Variants in RASGEF1A observed in about 807,000 individuals in gnomAD.
RASGEF1A encodes the protein RasGEF domain family member 1A, also known as ras-GEF domain-containing family member 1A.
Under a neutral mutation model 56.4 loss-of-function variants are expected in RASGEF1A, and 18 were observed. That is an observed-to-expected ratio of 0.32 (90% CI 0.22 to 0.47). The LOEUF (loss-of-function observed/expected upper bound fraction) is 0.47, where lower values mean the gene tolerates loss of function less well. Among genes scored for constraint, RASGEF1A ranks in the 20% least tolerant of loss-of-function variants. The probability of loss-of-function intolerance (pLI) is 1.00; values close to 1 mark genes in which losing one functional copy is unlikely to be tolerated. For synonymous variants in RASGEF1A, 245 were observed against 242.6 expected, an observed-to-expected ratio of 1.01 and a Z score of -0.09; for missense variants, 422 against 627.1, an observed-to-expected ratio of 0.67 and a Z score of 3.49.
chr10:43,198,966 G>A lies in RASGEF1A; in HGVS notation c.999C>T (p.Ser333=). 6.2e-7 allele frequency: 1 copy of A among 1,613,688 alleles called. No individual in the cohort carries two copies. Among genetic ancestry groups the A allele is most frequent in the Non-Finnish European group, 8.5e-7 (1 of 1,180,006 alleles). Reference sequence around the variant, plus strand: ...CATCAAACTTGGCTGTCTTGACCTTGGACCAAGTTTTCTTCAGCCTTGCCA... The same window carrying A: ...CATCAAACTTGGCTGTCTTGACCTTAGACCAAGTTTTCTTCAGCCTTGCCA... ...SPVARLKKTW[S]KVKTAKFDVL... Residue 333 remains serine, a synonymous_variant, in exon 9 of 13, where the codon TCC becomes TCT. Transcript: ENST00000395810.
At position 43,229,544 on chromosome 10, in the gene RASGEF1A, G is replaced by C. The variant is rs1840332228; in HGVS notation, c.-6-23422C>G. The C allele has an allele frequency of 2.7e-6, 3 of 1,131,196 alleles. No individual in the cohort carries two copies. The South Asian group carries it at 4.3e-5, about 16-fold the overall frequency. 70.1% of individuals were successfully genotyped at this position (1,131,196 alleles called of 1,614,324 possible). ...TCAGGGCGGGCACCCTCCCGCACGG[G>C]TCGGGATGCAGGGGACCGTCGCACC... On this transcript the variant is annotated intron_variant, in intron 1 of 12. Coordinates refer to ENST00000395810, the MANE Select transcript of RASGEF1A (RefSeq NM_145313.4).
At position 43,196,694 on chromosome 10, in the gene RASGEF1A, AG is replaced by A. The variant is rs1438930003; in HGVS notation, c.1349-147del. 4 of 821,954 alleles carry A rather than the reference AG, an allele frequency of 4.9e-6. No individual in the cohort carries two copies. Among genetic ancestry groups the A allele is most frequent in the Non-Finnish European group, 7.8e-6 (4 of 510,710 alleles). The allele number at this position is 821,954 out of a possible 1,614,324, so 50.9% of individuals were successfully genotyped here. A position where few individuals can be genotyped will look rare whatever the true frequency, so the allele number is the denominator to read the frequency against. On this transcript the variant is annotated intron_variant, in intron 11 of 12. Coordinates refer to ENST00000395810, the MANE Select transcript of RASGEF1A (RefSeq NM_145313.4). This position sits in a 1 kb window ranked among gnomAD's most constrained non-coding sequence, Gnocchi z 4.6. ...CAGTTCTCTGCTGTGCGGGGCTCTC[AG>A]GCTGCCTGTTGGGGACTCTAGGAAG...
chr10:43,263,685 C>G (rs1372229920), intron 1 of RASGEF1A, among the ~76,000 whole-genome samples: 4 of 152,294 alleles, frequency 2.6e-5, no homozygotes, highest in Non-Finnish European at 5.9e-5. Flanking sequence ...AGCCCCTACC[C>G]CAGCCCGGGC....
chr10:43,208,057 C>A (rs1466127854), intron 1 of RASGEF1A: 1 of 985,336 alleles, frequency 1.0e-6, no homozygotes, highest in East Asian at 1.1e-4. Context: ...AATGAAGTCA[C>A]GAAGGCGGGC....
intron 1 of RASGEF1A, among the ~76,000 whole-genome samples, chr10:43,213,428 T>C (rs1176556864): frequency 6.6e-6 from 1 of 152,100 alleles, no homozygotes; most frequent in African/African-American, 2.4e-5. Context: ...GTGGCTAGAC[T>C]GAGGGTCCAG....
chr10:43,236,593 C>T (rs1472151088), intron 1 of RASGEF1A, among the ~76,000 whole-genome samples: 2 of 152,280 alleles, frequency 1.3e-5, no homozygotes, highest in African/African-American at 2.4e-5. Context: ...CGCCCTCCCT[C>T]CTCCTCTTCT....
intron 1 of RASGEF1A, among the ~76,000 whole-genome samples, chr10:43,238,809 C>A (rs1337858245): frequency 6.6e-6 from 1 of 152,180 alleles, no homozygotes; most frequent in African/African-American, 2.4e-5. Context: ...AGCTGCCATC[C>A]CCATGAGCCA....
chr10:43,200,737 G>A lies in RASGEF1A; in HGVS notation c.611C>T (p.Ala204Val). 1.2e-6 allele frequency: 2 copies of A among 1,613,860 alleles called. No individual in the cohort carries two copies. The highest frequency in any genetic ancestry group is 8.5e-7 in the Non-Finnish European group (1 of 1,180,034). The change falls in exon 5 of 13, where the codon GCC becomes GTC. Residue 204 changes from alanine to valine, a missense_variant. Coordinates refer to ENST00000395810, the MANE Select transcript of RASGEF1A (RefSeq NM_145313.4). ...GPILKTKPPAAQKDILGVCCD... is the reference protein window; with the variant it reads ...GPILKTKPPAVQKDILGVCCD... Reference sequence around the variant, plus strand: ...GCACACGCCCAGGATGTCCTTCTGGGCGGCTGGTGGCTTGGTCTTGAGGAT... The same window carrying A: ...GCACACGCCCAGGATGTCCTTCTGGACGGCTGGTGGCTTGGTCTTGAGGAT...
intron 1 of RASGEF1A, chr10:43,206,777 A>G (rs1840002347): frequency 2.1e-5 from 21 of 986,202 alleles, no homozygotes; most frequent in Non-Finnish European, 2.3e-5. Context: ...GCCACTCCAC[A>G]TGGTGAAGGT....
At chr10:43,217,442 C>A (rs1840152039) in intron 1 of RASGEF1A, among the ~76,000 whole-genome samples, 1 of 152,234 alleles carries the variant, frequency 6.6e-6, no homozygotes, top group Non-Finnish European at 1.5e-5. Context: ...GCGCCTCCAT[C>A]CCCACTGCAC....
intron 1 of RASGEF1A, chr10:43,209,326 G>T: frequency 1.7e-6 from 1 of 585,680 alleles, no homozygotes; most frequent in Non-Finnish European, 2.1e-6. Context: ...CCTGCCCCAG[G>T]TCACAGCCAG....
chr10:43,214,659 A>AAG (rs1840110516), intron 1 of RASGEF1A, among the ~76,000 whole-genome samples: 1 of 152,182 alleles, frequency 6.6e-6, no homozygotes, highest in African/African-American at 2.4e-5. Context: ...TTCAACTCCA[A>AAG]AGGGAAGAGC....
intron 1 of RASGEF1A, among the ~76,000 whole-genome samples, chr10:43,234,589 T>C (rs1775172512): frequency 6.6e-6 from 1 of 152,096 alleles, no homozygotes; most frequent in African/African-American, 2.4e-5. Flanking sequence ...CACAAGGCCT[T>C]GGGTTCCAGG....
At chr10:43,261,096 G>T (rs774976855) in intron 1 of RASGEF1A, among the ~76,000 whole-genome samples, 3 of 151,052 alleles carry the variant, frequency 2.0e-5, no homozygotes, top group Non-Finnish European at 1.5e-5. Flanking sequence ...ATGTGGGAGC[G>T]CCCTCCCCCT....
At position 43,261,244 on chromosome 10, in the gene RASGEF1A, T is replaced by A. The variant is rs535997997; in HGVS notation, c.-7+5601A>T. 6.6e-5 allele frequency among the ~76,000 whole-genome samples: 10 copies of A among 152,378 alleles called. No individual in the cohort carries two copies. The East Asian group carries it at 1.9e-3, about 29-fold the overall frequency. ...CCACCACTCCCCGCAGGGCAGTTGA[T>A]CTGGCCCAGGTACCTGCAGGTCACC... is the stretch of plus-strand genomic sequence containing the variant. On this transcript the variant is annotated intron_variant, in intron 1 of 12. Transcript: ENST00000395810.
intron 1 of RASGEF1A, among the ~76,000 whole-genome samples, chr10:43,253,457 A>C (rs558102982): frequency 6.6e-6 from 1 of 152,364 alleles, no homozygotes; most frequent in African/African-American, 2.4e-5. Context: ...AGAGGCTCTT[A>C]AGGCTGCTGG....
chr10:43,252,681 G>C (rs1840640468), intron 1 of RASGEF1A, among the ~76,000 whole-genome samples: 1 of 152,116 alleles, frequency 6.6e-6, no homozygotes, highest in African/African-American at 2.4e-5. Context: ...CCTAAGCTCA[G>C]GGGCTTTTTA....
intron 1 of RASGEF1A, among the ~76,000 whole-genome samples, chr10:43,233,507 G>A (rs974670612): frequency 2.0e-5 from 3 of 152,164 alleles, no homozygotes; most frequent in Non-Finnish European, 4.4e-5. Flanking sequence ...TATCCAAGGG[G>A]TGATAGGCCT....
rs927415126 is a variant in RASGEF1A, at chr10:43,196,762, T to C, written c.1348+214A>G. On this transcript the variant is annotated intron_variant, in intron 11 of 12. Coordinates refer to ENST00000395810, the MANE Select transcript of RASGEF1A (RefSeq NM_145313.4). The surrounding 1 kb of genome is among the most constrained non-coding windows in gnomAD (Gnocchi z 4.6). ...CACCTGACCTAAGCCCATGTGACCC[T>C]CTCCAGTGGCTGCTGGAAACTGAGT... 6.6e-6 allele frequency among the ~76,000 whole-genome samples: 1 copy of C among 152,270 alleles called. No homozygotes were observed. Among genetic ancestry groups the C allele is most frequent in the Non-Finnish European group, 1.5e-5 (1 of 68,004 alleles).
Sources: gnomAD v4.1 joint callset for allele counts (sites outside exome capture counted in the v4.1 genomes callset) on GRCh38, gnomAD v4.1.1 for gene constraint, Gnocchi (gnomAD v3.1) non-coding constraint, MANE v1.5 for transcripts, NCBI Gene and HGNC (gene_info 2026-07-23, HGNC 2026-07-21) for gene names.